The following HTR1F variants were observed in gnomAD, a reference collection of about 807,000 sequenced individuals.
HTR1F encodes 5-hydroxytryptamine (serotonin) receptor 1F, G protein-coupled.
A neutral mutation model predicts 24.0 loss-of-function variants in HTR1F; 17 were observed. That is an observed-to-expected ratio of 0.71 (90% CI 0.48 to 1.06). The LOEUF (loss-of-function observed/expected upper bound fraction) is 1.06. Among genes scored for constraint, HTR1F ranks in the 50% least tolerant of loss-of-function variants. HTR1F has a pLI of 0.00. For synonymous variants in HTR1F, 186 were observed against 156.8 expected, an observed-to-expected ratio of 1.19 and a Z score of -1.39; for missense variants, 391 against 427.8, an observed-to-expected ratio of 0.91 and a Z score of 0.76.
intron 2 of HTR1F, among the ~76,000 whole-genome samples, chr3:87,920,757 A>G (rs1703996741): frequency 6.6e-6 from 1 of 152,046 alleles, no homozygotes; most frequent in Non-Finnish European, 1.5e-5. Context: ...GAGGAACTGA[A>G]AAAAGAACTA....
At chr3:87,828,212 G>A (rs1704504149) in intron 2 of HTR1F, among the ~76,000 whole-genome samples, 1 of 152,186 alleles carries the variant, frequency 6.6e-6, no homozygotes, top group African/African-American at 2.4e-5. Context: ...GTTGGTAGAT[G>A]AGAACTTTCA....
intron 2 of HTR1F, among the ~76,000 whole-genome samples, chr3:87,981,266 C>T (rs528977138): frequency 6.6e-6 from 1 of 152,336 alleles, no homozygotes; most frequent in South Asian, 2.1e-4. Flanking sequence ...GCAATCTCAG[C>T]TTACTGCAAC....
At chr3:87,948,168 C>T (rs1039000416) in intron 2 of HTR1F, among the ~76,000 whole-genome samples, 5 of 152,062 alleles carry the variant, frequency 3.3e-5, no homozygotes, top group Non-Finnish European at 7.4e-5. Flanking sequence ...GATTCTGAAT[C>T]GTAAGTTTGA....
Position 87,991,429 on chromosome 3 carries a change from G to T in HTR1F, c.680G>T (p.Gly227Val). 1 of 1,613,956 alleles carries T rather than the reference G, an allele frequency of 6.2e-7. No homozygotes were observed. The highest frequency in any genetic ancestry group is 8.5e-7 in the Non-Finnish European group (1 of 1,179,920). ...AGGATTGCAAAGGAGGAGGTGAATGGCCAAGTCCTTTTGGAGAGTGGTGAG... is the reference window on the plus strand; with the variant it reads ...AGGATTGCAAAGGAGGAGGTGAATGTCCAAGTCCTTTTGGAGAGTGGTGAG... Reference protein sequence around the residue: ...ASRIAKEEVNGQVLLESGEKS... With the variant: ...ASRIAKEEVNVQVLLESGEKS... Residue 227 changes from glycine to valine, a missense_variant, in exon 3 of 3, where the codon GGC becomes GTC. Coordinates refer to ENST00000319595, the MANE Select transcript of HTR1F (RefSeq NM_001322209.2).
Position 87,803,705 on chromosome 3 carries a change from A to G in HTR1F, c.-160+10863A>G, listed in dbSNP as rs534947524. Among the ~76,000 whole-genome samples the G allele has an allele frequency of 1.8e-3, 267 of 152,320 alleles. 1 individual carries two copies. Among genetic ancestry groups the G allele is most frequent in the African/African-American group, 5.9e-3 (245 of 41,576 alleles). On this transcript the variant is annotated intron_variant, in intron 1 of 2. Coordinates refer to ENST00000319595, the MANE Select transcript of HTR1F (RefSeq NM_001322209.2). ...TAATAAAAGTCAGATCAGGTCTTCC[A>G]AACTGAAAAGTAGAAGGAATACTTC...
intron 2 of HTR1F, among the ~76,000 whole-genome samples, chr3:87,962,618 G>T (rs536190200): frequency 7.9e-5 from 12 of 152,048 alleles, no homozygotes; most frequent in African/African-American, 2.7e-4. Context: ...GTTTATATTA[G>T]CAGGATATGA....
At chr3:87,983,115 T>C (rs763428373) in intron 2 of HTR1F, among the ~76,000 whole-genome samples, 1 of 152,076 alleles carries the variant, frequency 6.6e-6, no homozygotes, top group African/African-American at 2.4e-5. Flanking sequence ...GTCAGACATC[T>C]AGGAAACACA....
chr3:87,926,541 C>G (rs1217911693), intron 2 of HTR1F, among the ~76,000 whole-genome samples: 2 of 152,076 alleles, frequency 1.3e-5, no homozygotes, highest in African/African-American at 4.8e-5. Context: ...GACAAAGCAT[C>G]AATGCCTAAT....
Position 87,920,888 on chromosome 3 carries a change from A to T in HTR1F, c.-42-69820A>T, listed in dbSNP as rs563870350. On this transcript the variant is annotated intron_variant, in intron 2 of 2. Coordinates refer to ENST00000319595, the MANE Select transcript of HTR1F (RefSeq NM_001322209.2). Reference sequence around the variant, plus strand: ...CTGAACCTAAAATAAAAGTTTTTTTAAAAAATATACTTTTTCTAACTAAGA... The same window carrying T: ...CTGAACCTAAAATAAAAGTTTTTTTTAAAAATATACTTTTTCTAACTAAGA... Among the ~76,000 whole-genome samples the T allele has an allele frequency of 5.4e-3, 823 of 152,144 alleles. 4 individuals carry two copies. The highest frequency in any genetic ancestry group is 0.016 in the African/African-American group (685 of 41,562).
intron 1 of HTR1F, among the ~76,000 whole-genome samples, chr3:87,816,515 C>T (rs925800676): frequency 3.3e-5 from 5 of 151,928 alleles, no homozygotes; most frequent in African/African-American, 1.2e-4. Flanking sequence ...ACCTCTAGAC[C>T]AGATTAATTT....
At chr3:87,815,502 CTTTA>C (rs1164963823) in intron 1 of HTR1F, among the ~76,000 whole-genome samples, 1 of 151,876 alleles carries the variant, frequency 6.6e-6, no homozygotes, top group Non-Finnish European at 1.5e-5. Context: ...GTATTGACGG[CTTTA>C]TTTATGTTTT....
At chr3:87,916,456 T>C (rs939847916) in intron 2 of HTR1F, among the ~76,000 whole-genome samples, 2 of 151,960 alleles carry the variant, frequency 1.3e-5, no homozygotes, top group East Asian at 3.9e-4. Flanking sequence ...TAAGAACTCA[T>C]CAACCAACTG....
At chr3:87,965,459 A>T (rs1705144490) in intron 2 of HTR1F, among the ~76,000 whole-genome samples, 4 of 152,236 alleles carry the variant, frequency 2.6e-5, no homozygotes, top group African/African-American at 7.2e-5. Flanking sequence ...TCAAATTATG[A>T]AATAGGAGGA....
chr3:87,850,923 A>G (rs1441793932), intron 2 of HTR1F, among the ~76,000 whole-genome samples: 4 of 151,420 alleles, frequency 2.6e-5, no homozygotes, highest in Non-Finnish European at 5.9e-5. Context: ...TTTTTTATTT[A>G]CCTAAATTTT....
At chr3:87,956,250 T>C (rs575885751) in intron 2 of HTR1F, among the ~76,000 whole-genome samples, 4 of 151,404 alleles carry the variant, frequency 2.6e-5, no homozygotes, top group African/African-American at 4.8e-5. Context: ...ATTTTTAATA[T>C]GGATAACTAG....
chr3:87,818,894 C>T (rs1704301396), intron 1 of HTR1F, among the ~76,000 whole-genome samples: 1 of 152,144 alleles, frequency 6.6e-6, no homozygotes, highest in Non-Finnish European at 1.5e-5. Context: ...TCCTTAAGCT[C>T]TGCAGGAATT....
chr3:87,892,423 T>C (rs1437726099), intron 2 of HTR1F, among the ~76,000 whole-genome samples: 1 of 152,206 alleles, frequency 6.6e-6, no homozygotes, highest in Non-Finnish European at 1.5e-5. Context: ...TATGTTTGTT[T>C]GCTTTACAAT....
rs1464670667 is a variant in HTR1F, at chr3:87,992,834, A to C, written c.*984A>C. The C allele has an allele frequency of 1.8e-5, 3 of 166,986 alleles. No individual in the cohort carries two copies. Among genetic ancestry groups the C allele is most frequent in the Non-Finnish European group, 2.9e-5 (2 of 68,084 alleles). The allele number at this position is 166,986 out of a possible 1,614,324, so 10.3% of individuals were successfully genotyped here. On this transcript the variant is annotated 3_prime_UTR_variant, in exon 3 of 3. Coordinates refer to ENST00000319595, the MANE Select transcript of HTR1F (RefSeq NM_001322209.2). The stretch of plus-strand genomic sequence containing the variant: ...CATTATTTCCCGTTTACTAGACAGA[A>C]TATAATGGAAATTTTTAGAACTTTC...
chr3:87,814,825 G>A (rs1041037068), intron 1 of HTR1F, among the ~76,000 whole-genome samples: 1 of 152,096 alleles, frequency 6.6e-6, no homozygotes, highest in African/African-American at 2.4e-5. Context: ...ATTATAATTA[G>A]TAAGGGAATG....
Sources: allele counts gnomAD v4.1 joint callset (sites outside exome capture counted in the v4.1 genomes callset), GRCh38; gene constraint gnomAD v4.1.1; transcripts MANE v1.5; gene names NCBI Gene and HGNC (gene_info 2026-07-23, HGNC 2026-07-21).